The following SP4 variants were observed in gnomAD, a reference collection of about 807,000 sequenced individuals.
SP4 encodes the protein Sp4 transcription factor, also known as transcription factor Sp4.
SP4 carries 19 observed loss-of-function variants against 72.8 expected under a neutral mutation model. The observed-to-expected ratio is 0.26, with a 90% confidence interval of 0.18 to 0.38. The LOEUF is 0.38. Among genes scored for constraint, SP4 ranks in the 10% least tolerant of loss-of-function variants. The probability of loss-of-function intolerance (pLI) is 1.00; values close to 1 mark genes in which losing one functional copy is unlikely to be tolerated. For missense variants in SP4, 1,008 were observed against 926.3 expected (o/e 1.09, Z -1.14); for synonymous variants, 395 against 333.1 (o/e 1.19, Z -2.02).
intron 3 of SP4, among the ~76,000 whole-genome samples, chr7:21,462,134 G>A (rs1414498514): frequency 6.7e-6 from 1 of 149,342 alleles, no homozygotes; most frequent in Non-Finnish European, 1.5e-5. Flanking sequence ...GAAGCAATCC[G>A]CCCACCTCAG....
intron 3 of SP4, among the ~76,000 whole-genome samples, chr7:21,454,035 C>CT (rs1180828960): frequency 6.6e-6 from 1 of 152,102 alleles, no homozygotes; most frequent in Non-Finnish European, 1.5e-5. Context: ...ATGTAAAACT[C>CT]TTTTTTTCAG....
At chr7:21,437,808 G>A (rs1783097448) in intron 3 of SP4, among the ~76,000 whole-genome samples, 1 of 152,178 alleles carries the variant, frequency 6.6e-6, no homozygotes, top group Non-Finnish European at 1.5e-5. Context: ...GTGCTTGTGA[G>A]ATACTTCTGC....
chr7:21,506,732 A>T (rs1188998862), intron 5 of SP4, among the ~76,000 whole-genome samples: 1 of 152,194 alleles, frequency 6.6e-6, no homozygotes, highest in Non-Finnish European at 1.5e-5. Context: ...CTTAATTACA[A>T]AGTTAACCTT....
In SP4 at chr7:21,512,594, C is replaced by G. The variant is rs544269224; in HGVS notation, c.*1325C>G. On this transcript the variant is annotated 3_prime_UTR_variant, in exon 6 of 6. Coordinates refer to ENST00000222584, the MANE Select transcript of SP4 (RefSeq NM_003112.5). Reference sequence around the variant, plus strand: ...TTTTTTTTTTTGAGATGGAGTCTCGCTCTCTTGCCCAGGCTGGAGTGCAAT... The same window carrying G: ...TTTTTTTTTTTGAGATGGAGTCTCGGTCTCTTGCCCAGGCTGGAGTGCAAT... 4 of 144,030 alleles carry G rather than the reference C, an allele frequency of 2.8e-5. No individual in the cohort carries two copies. The East Asian group carries it at 8.1e-4, about 29-fold the overall frequency. The allele number at this position is 144,030 out of a possible 1,614,324, so 8.9% of individuals were successfully genotyped here.
chr7:21,475,976 A>G (rs1429563058), intron 3 of SP4, among the ~76,000 whole-genome samples: 2 of 152,236 alleles, frequency 1.3e-5, no homozygotes, highest in African/African-American at 4.8e-5. Context: ...AAAGATAATT[A>G]TAAGGCATTG....
chr7:21,486,129 C>G (rs976156485), intron 5 of SP4, among the ~76,000 whole-genome samples: 9 of 150,548 alleles, frequency 6.0e-5, no homozygotes, highest in African/African-American at 1.9e-4. Context: ...TGTCACAGCT[C>G]TATTTTCTTT....
At position 21,430,766 on chromosome 7, in the gene SP4, A is replaced by G. The variant is rs1562581293; in HGVS notation, c.1601A>G (p.Gln534Arg). ...CAGCTTGCATCAGTGCCTAACCTTCAGACAGTGAGCGTTGCCAACCTGGGT... is the reference window on the plus strand; with the variant it reads ...CAGCTTGCATCAGTGCCTAACCTTCGGACAGTGAGCGTTGCCAACCTGGGT... ...TAQLASVPNLQTVSVANLGAA... is the reference protein window; with the variant it reads ...TAQLASVPNLRTVSVANLGAA... The change falls in exon 3 of 6, where the codon CAG (glutamine) becomes CGG (arginine). Residue 534 changes from glutamine to arginine, a missense_variant. Transcript: ENST00000222584. The G allele has an allele frequency of 6.2e-7, 1 of 1,614,226 alleles. No homozygotes were observed. Among genetic ancestry groups the G allele is most frequent in the Non-Finnish European group, 8.5e-7 (1 of 1,180,048 alleles).
At chr7:21,509,119 G>T (rs1485770977) in intron 5 of SP4, among the ~76,000 whole-genome samples, 1 of 151,878 alleles carries the variant, frequency 6.6e-6, no homozygotes, top group African/African-American at 2.4e-5. Context: ...TTCATATTAT[G>T]TTGAAAATAG....
At chr7:21,489,838 G>C (rs564189052) in intron 5 of SP4, among the ~76,000 whole-genome samples, 1 of 151,988 alleles carries the variant, frequency 6.6e-6, no homozygotes, top group Non-Finnish European at 1.5e-5. Context: ...GATTACAGGC[G>C]TGAGCCACTG....
intron 3 of SP4, among the ~76,000 whole-genome samples, chr7:21,460,955 A>G (rs768882970): frequency 2.0e-5 from 3 of 151,894 alleles, no homozygotes; most frequent in Admixed American, 6.6e-5. Flanking sequence ...CCCCACCAAG[A>G]TTAGCTAGAC....
intron 3 of SP4, among the ~76,000 whole-genome samples, chr7:21,462,537 C>G (rs1292940863): frequency 2.6e-5 from 4 of 152,054 alleles, no homozygotes; most frequent in Admixed American, 2.6e-4. Flanking sequence ...GTTAATAAGT[C>G]TGAGCTAATA....
intron 3 of SP4, among the ~76,000 whole-genome samples, chr7:21,433,535 A>G (rs1048247102): frequency 2.6e-5 from 4 of 152,264 alleles, no homozygotes; most frequent in Non-Finnish European, 4.4e-5. Flanking sequence ...GGTATAAAAG[A>G]TGATGGAGAA....
chr7:21,430,934 C>A (rs1782830199), intron 3 of SP4, 91 bp downstream of exon 3: 1 of 913,030 alleles, frequency 1.1e-6, no homozygotes, highest in Non-Finnish European at 1.7e-6. Flanking sequence ...TGACGTAGAC[C>A]TCTGAAGTAA....
intron 3 of SP4, among the ~76,000 whole-genome samples, chr7:21,466,835 A>C (rs1244793299): frequency 6.6e-6 from 1 of 151,826 alleles, no homozygotes; most frequent in East Asian, 1.9e-4. Flanking sequence ...CTCTCTAGTC[A>C]TATGTCTGTC....
chr7:21,470,161 C>T (rs73685141), intron 3 of SP4, among the ~76,000 whole-genome samples: 1 of 152,114 alleles, frequency 6.6e-6, no homozygotes. Flanking sequence ...GGCCGAGTTT[C>T]GTAAGAAAGC....
intron 5 of SP4, among the ~76,000 whole-genome samples, chr7:21,487,741 T>TTGA (rs201213112): frequency 3.7e-4 from 52 of 140,082 alleles, no homozygotes; most frequent in Non-Finnish European, 6.9e-4. Context: ...TTTGTTCAAG[T>TTGA]TGATGATGAT....
At chr7:21,432,042 AG>A (rs1312435498) in intron 3 of SP4, among the ~76,000 whole-genome samples, 1 of 152,262 alleles carries the variant, frequency 6.6e-6, no homozygotes, top group African/African-American at 2.4e-5. Flanking sequence ...GCTATCCAGC[AG>A]AACTGTCTGT....
chr7:21,446,052 ATATG>A (rs1274028831), intron 3 of SP4, among the ~76,000 whole-genome samples: 164 of 101,288 alleles, frequency 1.6e-3, no homozygotes, highest in Middle Eastern at 6.1e-3. Flanking sequence ...AGGTAGATAT[ATATG>A]TGTGTGTGTG....
rs1018011409 is a variant in SP4 at position 21,428,248 on chromosome 7, C to T, written c.-4C>T. 2 of 1,309,922 alleles carry T rather than the reference C, an allele frequency of 1.5e-6. No homozygotes were observed. Among genetic ancestry groups the T allele is most frequent in the African/African-American group, 1.6e-5 (1 of 62,032 alleles). The allele number at this position is 1,309,922 out of a possible 1,614,324, so 81.1% of individuals were successfully genotyped here. ...CGTCTGAGGGTTTGTCCTGTTAATGCGGGATGAGCGGTACGTATTCTCCAC... is the reference window on the plus strand; with the variant it reads ...CGTCTGAGGGTTTGTCCTGTTAATGTGGGATGAGCGGTACGTATTCTCCAC... On this transcript the variant is annotated 5_prime_UTR_variant, in exon 1 of 6. Transcript: ENST00000222584.
Sources: allele counts gnomAD v4.1 joint callset (sites outside exome capture counted in the v4.1 genomes callset), GRCh38; gene constraint gnomAD v4.1.1; transcripts MANE v1.5; gene names NCBI Gene and HGNC (gene_info 2026-07-23, HGNC 2026-07-21).